The following AP1M2 variants were observed in gnomAD, a reference collection of about 807,000 sequenced individuals.
The protein encoded by AP1M2 is AP-1 complex subunit mu-2.
In AP1M2, 41 loss-of-function variants were observed where a neutral mutation model predicts 54.6. The ratio of observed to expected loss-of-function variants is 0.75; its 90% CI spans 0.59 to 0.97. The LOEUF (loss-of-function observed/expected upper bound fraction) is 0.97. AP1M2 is among the 50% of genes least tolerant of loss of function. AP1M2 has a pLI of 0.00. For synonymous variants in AP1M2, 219 were observed against 215.9 expected (o/e 1.01, Z -0.13); for missense variants, 507 against 561.2 (o/e 0.90, Z 0.98).
In AP1M2 at chr19:10,578,887, C is replaced by A; in HGVS notation, c.888+5G>T. ...ATTGTTAATAAGCATTCCCCCAAGG[C>A]CCACCTTGACCATGATCTCCACGCG... On this transcript the variant is annotated splice_donor_5th_base_variant and intron_variant, in intron 8 of 11. Transcript: ENST00000250244. 1.2e-6 allele frequency: 2 copies of A among 1,605,080 alleles called. No individual in the cohort carries two copies. The highest frequency in any genetic ancestry group is 1.7e-6 in the Non-Finnish European group (2 of 1,175,806).
chr19:10,579,138 C>T (rs1252314467), intron 7 of AP1M2, among the ~76,000 whole-genome samples, 175 bp from the exon 8 acceptor site: 1 of 151,576 alleles, frequency 6.6e-6, no homozygotes, highest in South Asian at 2.1e-4. Context: ...AATTCTCGGC[C>T]GGGAGCGGTG....
intron 1 of AP1M2, among the ~76,000 whole-genome samples, chr19:10,585,298 A>AGAAG (rs1207368794): frequency 0.02 from 1,733 of 87,288 alleles, 65 homozygotes; most frequent in Admixed American, 0.03. Flanking sequence ...AAAGAAAGAA[A>AGAAG]GAAAGAAAGA....
rs760610176 is a variant in AP1M2, at chr19:10,581,405, G to A, written c.547-13C>T. Reference sequence around the variant, plus strand: ...CGTTGGCATTGACCTGAGGGAGGACGTTGGGTATAGTTAGCAGGCATCAAA... The same window carrying A: ...CGTTGGCATTGACCTGAGGGAGGACATTGGGTATAGTTAGCAGGCATCAAA... On this transcript the variant is annotated splice_polypyrimidine_tract_variant and intron_variant, in intron 5 of 11. Transcript: ENST00000250244. 2.1e-5 allele frequency: 33 copies of A among 1,608,998 alleles called. No individual in the cohort carries two copies. The East Asian group carries it at 4.0e-4, about 20-fold the overall frequency.
chr19:10,579,145 G>A (rs1487291775), intron 7 of AP1M2, among the ~76,000 whole-genome samples, 182 bp from the exon 8 acceptor site: 2 of 151,734 alleles, frequency 1.3e-5, no homozygotes, highest in African/African-American at 4.8e-5. Flanking sequence ...GGCCGGGAGC[G>A]GTGGCTCACG....
chr19:10,574,592 G>T, intron 10 of AP1M2, 100 bp from the exon 11 acceptor site: 1 of 1,058,450 alleles, frequency 9.4e-7, no homozygotes, highest in Non-Finnish European at 1.4e-6. Context: ...TGTGGCACAG[G>T]CTGGGATCGA....
At chr19:10,576,266 T>TA (rs1917232472) in intron 9 of AP1M2, among the ~76,000 whole-genome samples, 1 of 141,928 alleles carries the variant, frequency 7.0e-6, no homozygotes, top group African/African-American at 2.6e-5. Flanking sequence ...TAATTTTTTT[T>TA]TTTTTTTTTT....
intron 1 of AP1M2, chr19:10,585,141 G>A (rs919462823): frequency 6.6e-6 from 1 of 151,360 alleles, no homozygotes; most frequent in Non-Finnish European, 1.5e-5. Context: ...ATTGAGCCTA[G>A]GAGGTCGAGA....
chr19:10,581,167 T>G, intron 6 of AP1M2, 99 bp downstream of exon 6: 48 of 1,485,314 alleles, frequency 3.2e-5, no homozygotes, highest in Middle Eastern at 2.5e-4. Flanking sequence ...GAGCGAGCGC[T>G]TATTTCAAAA....
At chr19:10,582,017 A>C (rs1917479871) in intron 3 of AP1M2, 139 bp from the exon 4 acceptor site, 1 of 926,812 alleles carries the variant, frequency 1.1e-6, no homozygotes, top group African/African-American at 1.7e-5. Context: ...CAGCCTGGGC[A>C]ATATAGTGAA....
At chr19:10,576,962 C>T (rs969125818) in intron 9 of AP1M2, among the ~76,000 whole-genome samples, 2 of 152,066 alleles carry the variant, frequency 1.3e-5, no homozygotes, top group Non-Finnish European at 2.9e-5. Flanking sequence ...CCCAGCTCCT[C>T]TTAATATTTT....
intron 6 of AP1M2, among the ~76,000 whole-genome samples, 186 bp from the exon 7 acceptor site, chr19:10,580,044 G>GTTTTTTTT (rs59349358): frequency 1.4e-5 from 1 of 71,190 alleles, no homozygotes; most frequent in Admixed American, 1.6e-4. Context: ...ATCTGGCTTG[G>GTTTTTTTT]TTTTTTTTTT....
intron 1 of AP1M2, among the ~76,000 whole-genome samples, chr19:10,585,838 A>G (rs1156637828): frequency 6.6e-6 from 1 of 152,140 alleles, no homozygotes; most frequent in Non-Finnish European, 1.5e-5. Flanking sequence ...TTTGGCTATT[A>G]AATGACAAGA....
chr19:10,578,493 G>GAAAA (rs973446331), intron 8 of AP1M2, among the ~76,000 whole-genome samples: 90 of 87,502 alleles, frequency 1.0e-3, no homozygotes, highest in African/African-American at 3.7e-3. Flanking sequence ...AAAAACAAAC[G>GAAAA]AACAAACAAA....
chr19:10,578,149 G>A (rs1184184293), intron 8 of AP1M2, among the ~76,000 whole-genome samples: 5 of 152,184 alleles, frequency 3.3e-5, no homozygotes, highest in Admixed American at 2.6e-4. Flanking sequence ...ACAGTTGTTG[G>A]CTGTGTATCT....
In AP1M2 at chr19:10,583,918, G is replaced by A. The variant is rs1370798451; in HGVS notation, c.195C>T (p.Leu65=). Residue 65 remains leucine, a synonymous_variant, in exon 2 of 12, where the codon CTC becomes CTT. Transcript: ENST00000250244. ...GACACCACGTGGGGTGGATACAGTA[G>A]AGGTTGCTGTGTTTGATCCATAGGA... ...VHFLWIKHSN[L]YLVATTSKNA... The A allele has an allele frequency of 2.5e-6, 4 of 1,597,538 alleles. No homozygotes were observed. The highest frequency in any genetic ancestry group is 1.1e-5 in the South Asian group (1 of 88,514).
chr19:10,584,035 G>C lies in AP1M2; in HGVS notation c.78C>G (p.Ala26=). 6.2e-7 allele frequency: 1 copy of C among 1,611,088 alleles called. No homozygotes were observed. The highest frequency in any genetic ancestry group is 8.5e-7 in the Non-Finnish European group (1 of 1,178,796). The change falls in exon 2 of 12, where the codon GCC becomes GCG. Residue 26 remains alanine (A), a synonymous_variant. Transcript: ENST00000250244. The part of the protein sequence containing the change: ...LISRNYKGDV[A]MSKIEHFMPL... ...GCATGAAGTGCTCAATCTTGCTCAT[G>C]GCCACATCGCCCTTGTAGTTGCGGC... is the stretch of plus-strand genomic sequence containing the variant.
At position 10,587,252 on chromosome 19, in the gene AP1M2, G is replaced by A. The variant is rs533278442; in HGVS notation, c.-21C>T. On this transcript the variant is annotated 5_prime_UTR_variant, in exon 1 of 12. Coordinates refer to ENST00000250244, the MANE Select transcript of AP1M2 (RefSeq NM_005498.5). ...GACATGGTGGCGGCCGAAGGACTTA[G>A]GAGTCGGGGAGGGAGCGCCGGGAGG... 4.5e-6 allele frequency: 7 copies of A among 1,560,834 alleles called. No homozygotes were observed. Among genetic ancestry groups the A allele is most frequent in the Non-Finnish European group, 4.3e-6 (5 of 1,152,756 alleles).
At position 10,581,410 on chromosome 19, in the gene AP1M2, G is replaced by T. The variant is rs764236098; in HGVS notation, c.547-18C>A. The T allele has an allele frequency of 6.2e-7, 1 of 1,609,904 alleles. No homozygotes were observed. The highest frequency in any genetic ancestry group is 8.5e-7 in the Non-Finnish European group (1 of 1,176,552). ...GCATTGACCTGAGGGAGGACGTTGG[G>T]TATAGTTAGCAGGCATCAAACTCCG... On this transcript the variant is annotated intron_variant, in intron 5 of 11. Coordinates refer to ENST00000250244, the MANE Select transcript of AP1M2 (RefSeq NM_005498.5).
intron 9 of AP1M2, among the ~76,000 whole-genome samples, 175 bp from the exon 10 acceptor site, chr19:10,575,204 T>C (rs920464960): frequency 3.3e-5 from 5 of 151,882 alleles, no homozygotes; most frequent in African/African-American, 1.2e-4. Context: ...GTTTAAAAAT[T>C]AGCTGGGTGC....
Sources: allele counts gnomAD v4.1 joint callset (sites outside exome capture counted in the v4.1 genomes callset), GRCh38; gene constraint gnomAD v4.1.1; transcripts MANE v1.5; gene names NCBI Gene and HGNC (gene_info 2026-07-23, HGNC 2026-07-21).